DYRK4: variants seen among roughly 807,000 people sequenced by gnomAD.
DYRK4 encodes dual specificity tyrosine phosphorylation regulated kinase 4, also known as dual specificity tyrosine-phosphorylation-regulated kinase 4.
A neutral mutation model predicts 68.3 loss-of-function variants in DYRK4; 64 were observed. The ratio of observed to expected loss-of-function variants is 0.94; its 90% CI spans 0.77 to 1.15. The LOEUF (loss-of-function observed/expected upper bound fraction) is 1.15, where lower values mean the gene tolerates loss of function less well. Among genes scored for constraint, DYRK4 ranks in the 50% most tolerant of loss-of-function variants. The pLI, the probability that DYRK4 is intolerant of heterozygous loss-of-function variation, is 0.00. For missense variants in DYRK4, 740 were observed against 764.7 expected (o/e 0.97, Z 0.38); for synonymous variants, 274 against 289.9 (o/e 0.95, Z 0.56).
intron 5 of DYRK4, chr12:4,592,732 C>G: frequency 3.0e-6 from 1 of 338,596 alleles, no homozygotes; most frequent in Non-Finnish European, 5.4e-6. Flanking sequence ...TTTACCTGCG[C>G]TGCTCTAACC....
At chr12:4,610,731 C>G (rs904036130) in intron 13 of DYRK4, among the ~76,000 whole-genome samples, 4 of 152,184 alleles carry the variant, frequency 2.6e-5, no homozygotes, top group Admixed American at 6.5e-5. Context: ...TCCCCCTCCC[C>G]CTAGGATTTA....
chr12:4,599,357 G>A (rs1945055407), intron 9 of DYRK4, among the ~76,000 whole-genome samples, 191 bp downstream of exon 9: 1 of 145,640 alleles, frequency 6.9e-6, no homozygotes, highest in South Asian at 2.1e-4. Flanking sequence ...AACAAATTCA[G>A]TCAATGGCAT....
At chr12:4,581,989 G>A (rs1246791239) in intron 2 of DYRK4, among the ~76,000 whole-genome samples, 1 of 152,144 alleles carries the variant, frequency 6.6e-6, no homozygotes, top group Admixed American at 6.5e-5. Context: ...GTGGCCTGAG[G>A]CACCTTTATA....
chr12:4,568,628 T>C (rs2240765), intron 2 of DYRK4, among the ~76,000 whole-genome samples: 63,452 of 152,020 alleles, frequency 0.42, 13,791 homozygotes, highest in Middle Eastern at 0.49. Flanking sequence ...TCAAGTGATC[T>C]GCCCGCCTCG....
intron 13 of DYRK4, among the ~76,000 whole-genome samples, chr12:4,611,311 T>C (rs1019869793): frequency 2.6e-5 from 4 of 152,158 alleles, no homozygotes; most frequent in African/African-American, 9.7e-5. Context: ...TCTTTACCCC[T>C]ACCTTAACAA....
chr12:4,570,419 T>C (rs1412999011), intron 2 of DYRK4, among the ~76,000 whole-genome samples: 1 of 152,200 alleles, frequency 6.6e-6, no homozygotes, highest in Admixed American at 6.5e-5. Context: ...TCAACGTCGA[T>C]TGGCTTTCCT....
At chr12:4,567,927 A>C in intron 1 of DYRK4, 28 bp from the exon 2 acceptor site, 1 of 1,527,360 alleles carries the variant, frequency 6.5e-7, no homozygotes, top group South Asian at 1.2e-5. Context: ...TCCTCCTGCC[A>C]ATTTATTTTT....
intron 10 of DYRK4, among the ~76,000 whole-genome samples, chr12:4,604,525 T>C (rs1046210061): frequency 3.3e-5 from 5 of 152,242 alleles, no homozygotes; most frequent in African/African-American, 1.2e-4. Flanking sequence ...ATATGCTCCC[T>C]TTCTAACTTG....
intron 2 of DYRK4, among the ~76,000 whole-genome samples, chr12:4,579,136 G>A (rs1026747869): frequency 6.6e-5 from 10 of 151,920 alleles, no homozygotes; most frequent in African/African-American, 1.2e-4. Context: ...TTAGCTGAGC[G>A]TGGTGGCGTG....
intron 2 of DYRK4, among the ~76,000 whole-genome samples, chr12:4,583,053 A>G (rs1327526305): frequency 6.6e-6 from 1 of 152,220 alleles, no homozygotes; most frequent in Non-Finnish European, 1.5e-5. Context: ...TGTGGTGGGC[A>G]AAGAATGGTG....
At chr12:4,590,225 G>T in intron 3 of DYRK4, 105 bp from the exon 4 acceptor site, 3 of 1,450,618 alleles carry the variant, frequency 2.1e-6, no homozygotes, top group Non-Finnish European at 2.7e-6. Flanking sequence ...TTGGGGTTAG[G>T]CTCATTCTTG....
rs186167484 is a variant in DYRK4 at position 4,572,445 on chromosome 12, C to A, written c.132+4397C>A. On this transcript the variant is annotated intron_variant, in intron 2 of 14. Transcript: ENST00000543431. Reference sequence around the variant, plus strand: ...TACAGGCGCCCGCCACCACACCTGGCTAATTTTTGTTGTTGTTGTTGTTGT... The same window carrying A: ...TACAGGCGCCCGCCACCACACCTGGATAATTTTTGTTGTTGTTGTTGTTGT... Among the ~76,000 whole-genome samples, 702 of 152,222 alleles carry A rather than the reference C, an allele frequency of 4.6e-3. 6 individuals carry two copies. Among genetic ancestry groups the A allele is most frequent in the African/African-American group, 0.016 (667 of 41,540 alleles).
rs2240763 is a variant in DYRK4 at position 4,593,007 on chromosome 12, C to G, written c.469C>G (p.Leu157Val). ...TTGTAGTGTTTTTCACACAGAGGCC[C>G]TAAAGCTTTTTAAGAACCAGCTGTC... ...QKVTLTAAEA[L>V]KLFKNQLSPY... Residue 157 changes from leucine to valine, a missense_variant, in exon 6 of 15, where the codon CTA becomes GTA. By Grantham distance (32) the Leu-to-Val change is conservative. Transcript: ENST00000543431. 6.2e-7 allele frequency: 1 copy of G among 1,613,736 alleles called. No individual in the cohort carries two copies. The highest frequency in any genetic ancestry group is 8.5e-7 in the Non-Finnish European group (1 of 1,179,862).
chr12:4,564,419 C>CT (rs1459211026), intron 1 of DYRK4: 1 of 152,174 alleles, frequency 6.6e-6, no homozygotes, highest in African/African-American at 2.4e-5. Context: ...CACTGCCATA[C>CT]TTTCTGCCCC....
chr12:4,566,814 T>C (rs1280074832), intron 1 of DYRK4, among the ~76,000 whole-genome samples: 2 of 152,234 alleles, frequency 1.3e-5, no homozygotes, highest in African/African-American at 4.8e-5. Flanking sequence ...TGTGTGTGTA[T>C]GTTAAAGTTA....
intron 2 of DYRK4, among the ~76,000 whole-genome samples, chr12:4,568,944 C>T (rs1403381143): frequency 6.6e-6 from 1 of 152,230 alleles, no homozygotes; most frequent in Admixed American, 6.5e-5. Flanking sequence ...CCAAAGCATT[C>T]AGGTTTGACT....
intron 1 of DYRK4, among the ~76,000 whole-genome samples, chr12:4,564,736 A>G (rs1338696766): frequency 6.6e-6 from 1 of 152,208 alleles, no homozygotes; most frequent in Non-Finnish European, 1.5e-5. Flanking sequence ...TTTTTGATGA[A>G]TTAATCTATT....
rs1409751501 is a variant in DYRK4 at position 4,593,184 on chromosome 12, A to C, written c.627+19A>C. 6.2e-7 allele frequency: 1 copy of C among 1,611,566 alleles called. No homozygotes were observed. The highest frequency in any genetic ancestry group is 1.7e-5 in the Admixed American group (1 of 59,802). On this transcript the variant is annotated intron_variant, in intron 6 of 14. Transcript: ENST00000543431. Reference sequence around the variant, plus strand: ...TCTGAAGGTGATGGGGGTGGGGGCCATGGGAACCTGCAGGGGCCCAGGGAC... The same window carrying C: ...TCTGAAGGTGATGGGGGTGGGGGCCCTGGGAACCTGCAGGGGCCCAGGGAC...
In DYRK4 at chr12:4,613,367, C is replaced by A; in HGVS notation, c.1667-148C>A. Reference sequence around the variant, plus strand: ...TAAATGTACAGTGCTTAGAATAATGCCCGGCACATTGGAGGTGCTTTACAA... The same window carrying A: ...TAAATGTACAGTGCTTAGAATAATGACCGGCACATTGGAGGTGCTTTACAA... On this transcript the variant is annotated intron_variant, in intron 14 of 14. Coordinates refer to ENST00000543431, the MANE Select transcript of DYRK4 (RefSeq NM_001394779.1). The surrounding 1 kb of genome is among the most constrained non-coding windows in gnomAD (Gnocchi z 4.0). 1 of 995,000 alleles carries A rather than the reference C, an allele frequency of 1.0e-6. No homozygotes were observed. Among genetic ancestry groups the A allele is most frequent in the Non-Finnish European group, 1.4e-6 (1 of 692,104 alleles). The allele number at this position is 995,000 out of a possible 1,614,324, so 61.6% of individuals were successfully genotyped here.
Sources: gnomAD v4.1 joint callset for allele counts (sites outside exome capture counted in the v4.1 genomes callset) on GRCh38, gnomAD v4.1.1 for gene constraint, Gnocchi (gnomAD v3.1) non-coding constraint, MANE v1.5 for transcripts, NCBI Gene and HGNC (gene_info 2026-07-23, HGNC 2026-07-21) for gene names.